MACROD2: variants seen among roughly 807,000 people sequenced by gnomAD.
MACROD2 encodes ADP-ribose glycohydrolase MACROD2.
A neutral mutation model predicts 70.4 loss-of-function variants in MACROD2; 36 were observed. The ratio of observed to expected loss-of-function variants is 0.51; its 90% CI spans 0.39 to 0.68. The LOEUF is 0.68. MACROD2 is among the 30% of genes least tolerant of loss of function. MACROD2 has a pLI of 0.00. For synonymous variants in MACROD2, 172 were observed against 178.8 expected (o/e 0.96, Z 0.30); for missense variants, 496 against 538.4 (o/e 0.92, Z 0.78).
At chr20:14,023,166 CT>C (rs2053111984) in intron 2 of MACROD2, among the ~76,000 whole-genome samples, 1 of 152,186 alleles carries the variant, frequency 6.6e-6, no homozygotes. Flanking sequence ...TGATGATGAG[CT>C]TTTTTTCATA....
intron 5 of MACROD2, among the ~76,000 whole-genome samples, chr20:14,912,100 C>T (rs2074034800): frequency 1.3e-5 from 2 of 152,036 alleles, no homozygotes; most frequent in South Asian, 4.1e-4. Flanking sequence ...GTCACTTGGT[C>T]CCATCTCTAC....
chr20:15,500,469 A>G (rs2047350869), intron 8 of MACROD2, among the ~76,000 whole-genome samples: 3 of 152,210 alleles, frequency 2.0e-5, no homozygotes, highest in Admixed American at 2.0e-4. Context: ...AAGCAGCAAA[A>G]TAACTAGAGA....
chr20:14,000,975 A>T (rs575904809), intron 1 of MACROD2, among the ~76,000 whole-genome samples: 1 of 152,066 alleles, frequency 6.6e-6, no homozygotes, highest in Non-Finnish European at 1.5e-5. Context: ...CTTTGTTTAC[A>T]TTGTTTTGTT....
intron 5 of MACROD2, among the ~76,000 whole-genome samples, chr20:15,021,399 T>C (rs1476499312): frequency 2.7e-5 from 4 of 148,876 alleles, no homozygotes; most frequent in Admixed American, 2.0e-4. Flanking sequence ...TATATACATA[T>C]ATGTGTATAT....
At chr20:14,719,546 T>C (rs1270491747) in intron 5 of MACROD2, among the ~76,000 whole-genome samples, 1 of 151,456 alleles carries the variant, frequency 6.6e-6, no homozygotes, top group Non-Finnish European at 1.5e-5. Flanking sequence ...TTTGCAAACA[T>C]GGGGGCCTGA....
intron 9 of MACROD2, among the ~76,000 whole-genome samples, chr20:15,883,588 T>A (rs1279417095): frequency 2.0e-5 from 1 of 49,758 alleles, no homozygotes; most frequent in Non-Finnish European, 4.9e-5. Context: ...GACTAATAAA[T>A]CTCTAATCAT....
chr20:14,970,549 T>G (rs184521812), intron 5 of MACROD2, among the ~76,000 whole-genome samples: 1 of 152,160 alleles, frequency 6.6e-6, no homozygotes, highest in South Asian at 2.1e-4. Context: ...GAAAAAGTGA[T>G]TGGTTTGTAT....
intron 4 of MACROD2, among the ~76,000 whole-genome samples, chr20:14,509,835 C>G (rs137889258): frequency 1.3e-5 from 2 of 151,724 alleles, no homozygotes; most frequent in African/African-American, 4.8e-5. Flanking sequence ...TTCTATAATA[C>G]GTTAGATTTT....
At chr20:15,779,608 C>T (rs765568225) in intron 8 of MACROD2, among the ~76,000 whole-genome samples, 2 of 152,096 alleles carry the variant, frequency 1.3e-5, no homozygotes, top group Non-Finnish European at 2.9e-5. Context: ...TAATCTCCAC[C>T]TCACTCAGGG....
chr20:14,719,824 C>T (rs1017472261), intron 5 of MACROD2, among the ~76,000 whole-genome samples: 2 of 152,198 alleles, frequency 1.3e-5, no homozygotes, highest in Admixed American at 1.3e-4. Context: ...AAAACAGTGA[C>T]CCTGCTCTCC....
chr20:15,099,709 G>T (rs752094447), intron 5 of MACROD2, among the ~76,000 whole-genome samples: 2 of 152,144 alleles, frequency 1.3e-5, no homozygotes, highest in African/African-American at 4.8e-5. Flanking sequence ...AAAGTTTTGA[G>T]ATCCATTCTA....
At chr20:15,475,923 A>C (rs2047016369) in intron 7 of MACROD2, among the ~76,000 whole-genome samples, 1 of 152,246 alleles carries the variant, frequency 6.6e-6, no homozygotes, top group South Asian at 2.1e-4. Flanking sequence ...TTTGAGGAGA[A>C]GAAAATGTTC....
intron 8 of MACROD2, among the ~76,000 whole-genome samples, chr20:15,762,091 A>G (rs2051445088): frequency 6.6e-6 from 1 of 152,230 alleles, no homozygotes; most frequent in Non-Finnish European, 1.5e-5. Context: ...TTGACAGATG[A>G]TAGAATAAAA....
At chr20:15,376,041 T>C (rs926124095) in intron 6 of MACROD2, among the ~76,000 whole-genome samples, 5 of 152,212 alleles carry the variant, frequency 3.3e-5, no homozygotes, top group Middle Eastern at 3.2e-3. Context: ...TTTGAGGCCA[T>C]GTGGTCCATG....
chr20:15,085,044 A>G (rs1156410741), intron 5 of MACROD2, among the ~76,000 whole-genome samples: 2 of 152,216 alleles, frequency 1.3e-5, no homozygotes, highest in East Asian at 3.8e-4. Context: ...TGTGGTACTA[A>G]TATAGAATCA....
At chr20:15,419,127 G>A (rs948112986) in intron 6 of MACROD2, among the ~76,000 whole-genome samples, 11 of 152,170 alleles carry the variant, frequency 7.2e-5, no homozygotes, top group African/African-American at 2.7e-4. Context: ...GTGAAGAAGT[G>A]AGAGTGAAAG....
intron 4 of MACROD2, among the ~76,000 whole-genome samples, chr20:14,497,442 TAGAA>T (rs1182638977): frequency 6.6e-6 from 1 of 151,788 alleles, no homozygotes; most frequent in East Asian, 1.9e-4. Flanking sequence ...GAAGTAGAAT[TAGAA>T]AGAAAAATCA....
intron 6 of MACROD2, among the ~76,000 whole-genome samples, chr20:15,264,354 G>A (rs1026738336): frequency 6.6e-6 from 1 of 152,188 alleles, no homozygotes; most frequent in Admixed American, 6.5e-5. Flanking sequence ...TATTGCTGGG[G>A]CAAAGGGAAC....
intron 5 of MACROD2, among the ~76,000 whole-genome samples, chr20:15,116,876 G>A (rs73096094): frequency 0.073 from 11,113 of 152,054 alleles, 471 homozygotes; most frequent in Middle Eastern, 0.16. Context: ...ACAGGGTATC[G>A]GTGTCCTTAA....
Sources: gnomAD v4.1 joint callset for allele counts (sites outside exome capture counted in the v4.1 genomes callset) on GRCh38, gnomAD v4.1.1 for gene constraint, MANE v1.5 for transcripts, NCBI Gene and HGNC (gene_info 2026-07-23, HGNC 2026-07-21) for gene names.